Variants in PCSK2 observed in about 807,000 individuals in gnomAD.
PCSK2 encodes the protein proprotein convertase subtilisin/kexin type 2.
Under a neutral mutation model 69.7 loss-of-function variants are expected in PCSK2, and 14 were observed. The ratio of observed to expected loss-of-function variants is 0.20; its 90% confidence interval spans 0.13 to 0.31. The LOEUF (loss-of-function observed/expected upper bound fraction) is 0.31, where lower values mean the gene tolerates loss of function less well. PCSK2 is among the 10% of genes least tolerant of loss of function. The pLI is 1.00. For missense variants in PCSK2, 544 were observed against 842.5 expected, an observed-to-expected ratio of 0.65 and a Z score of 4.39; for synonymous variants, 307 against 320.7, an observed-to-expected ratio of 0.96 and a Z score of 0.46.
chr20:17,230,926 C>T (rs1465913758), intron 1 of PCSK2, among the ~76,000 whole-genome samples: 1 of 152,156 alleles, frequency 6.6e-6, no homozygotes, highest in Non-Finnish European at 1.5e-5. Flanking sequence ...GCCCAAAGAC[C>T]TATGTCTATC....
chr20:17,317,368 T>C (rs992680178), intron 2 of PCSK2, among the ~76,000 whole-genome samples: 1 of 152,250 alleles, frequency 6.6e-6, no homozygotes, highest in Non-Finnish European at 1.5e-5. Flanking sequence ...TAGTCCTATA[T>C]TCATTTGAAT....
intron 1 of PCSK2, among the ~76,000 whole-genome samples, chr20:17,229,020 C>T (rs1986044686): frequency 6.6e-6 from 1 of 152,132 alleles, no homozygotes; most frequent in Admixed American, 6.5e-5. Context: ...GCCGACCTTC[C>T]TTCTTCACTC....
At chr20:17,252,406 T>C (rs763429616) in intron 1 of PCSK2, among the ~76,000 whole-genome samples, 34 of 152,248 alleles carry the variant, frequency 2.2e-4, no homozygotes, top group Non-Finnish European at 4.3e-4. Flanking sequence ...CATAGCAGCT[T>C]GTGAATAACT....
At chr20:17,254,438 C>T (rs781024691) in intron 1 of PCSK2, among the ~76,000 whole-genome samples, 1 of 152,180 alleles carries the variant, frequency 6.6e-6, no homozygotes, top group Non-Finnish European at 1.5e-5. Flanking sequence ...AAGCACAAAA[C>T]TGTGCTTGAA....
chr20:17,471,198 C>T (rs933544842), intron 11 of PCSK2, among the ~76,000 whole-genome samples: 1 of 152,150 alleles, frequency 6.6e-6, no homozygotes, highest in Non-Finnish European at 1.5e-5. Context: ...TCTGAATATG[C>T]TTAGCATTCC....
intron 2 of PCSK2, among the ~76,000 whole-genome samples, chr20:17,327,303 C>G (rs911172255): frequency 1.3e-5 from 2 of 152,196 alleles, no homozygotes; most frequent in African/African-American, 4.8e-5. Context: ...GTGTCAATCA[C>G]ATTCCTCCCA....
At chr20:17,279,684 G>A (rs968382220) in intron 2 of PCSK2, among the ~76,000 whole-genome samples, 1 of 151,916 alleles carries the variant, frequency 6.6e-6, no homozygotes, top group Non-Finnish European at 1.5e-5. Flanking sequence ...CTACTCCAGA[G>A]GCTGAGGCAG....
intron 5 of PCSK2, among the ~76,000 whole-genome samples, chr20:17,391,908 G>GGAAGGAAGGAAGGAAGGAAGGAAA (rs1568630665): frequency 2.1e-4 from 21 of 98,234 alleles, no homozygotes; most frequent in African/African-American, 9.0e-4. Flanking sequence ...AAGAGAGAGA[G>GGAAGGAAGGAAGGAAGGAAGGAAA]GAAGGAAGGA....
intron 5 of PCSK2, among the ~76,000 whole-genome samples, chr20:17,394,560 T>C (rs937237966): frequency 9.2e-5 from 14 of 152,122 alleles, no homozygotes; most frequent in Non-Finnish European, 2.1e-4. Flanking sequence ...GGATGAGCTC[T>C]CTTCCTGGTT....
At chr20:17,288,921 A>G (rs1988606181) in intron 2 of PCSK2, among the ~76,000 whole-genome samples, 1 of 152,228 alleles carries the variant, frequency 6.6e-6, no homozygotes, top group Non-Finnish European at 1.5e-5. Flanking sequence ...AGCAATTTCA[A>G]AAGACTGCGT....
At chr20:17,352,796 T>C (rs745718566) in intron 2 of PCSK2, among the ~76,000 whole-genome samples, 3 of 152,146 alleles carry the variant, frequency 2.0e-5, no homozygotes, top group Non-Finnish European at 2.9e-5. Context: ...TTGGTAAAGA[T>C]TTCATGATGA....
intron 10 of PCSK2, chr20:17,464,956 C>T (rs2033074600): frequency 2.0e-5 from 6 of 297,694 alleles, no homozygotes; most frequent in Non-Finnish European, 3.9e-5. Flanking sequence ...TACAGCCAAA[C>T]AGTTTTCCAG....
At chr20:17,233,592 C>A (rs1568563760) in intron 1 of PCSK2, among the ~76,000 whole-genome samples, 1 of 152,114 alleles carries the variant, frequency 6.6e-6, no homozygotes, top group Non-Finnish European at 1.5e-5. Context: ...ATCTGACTGG[C>A]TAGTTGCTCT....
rs2030331557 is a variant in PCSK2, at chr20:17,359,894, CCTTT to C, written c.397-629_397-626del. On this transcript the variant is annotated intron_variant, in intron 3 of 11. Coordinates refer to ENST00000262545, the MANE Select transcript of PCSK2 (RefSeq NM_002594.5). ...TTACTGTGGAATTGCTCTTTGTTTTCCTTTCTTTCTTTTCTGAAATATTTTTGGG... is the reference window on the plus strand; with the variant it reads ...TTACTGTGGAATTGCTCTTTGTTTTCCTTTCTTTTCTGAAATATTTTTGGG... 2.0e-5 allele frequency among the ~76,000 whole-genome samples: 3 copies of C among 152,236 alleles called. No homozygotes were observed. In the South Asian group the frequency reaches 6.2e-4, roughly 32 times the overall value.
intron 2 of PCSK2, among the ~76,000 whole-genome samples, chr20:17,352,809 A>G (rs1023755798): frequency 5.9e-5 from 9 of 152,170 alleles, no homozygotes; most frequent in African/African-American, 2.2e-4. Flanking sequence ...CATGATGAAG[A>G]CTCCAAAAGC....
chr20:17,471,806 CAG>C (rs1255819945), intron 11 of PCSK2, among the ~76,000 whole-genome samples: 1 of 152,216 alleles, frequency 6.6e-6, no homozygotes, highest in African/African-American at 2.4e-5. Flanking sequence ...TGCCGCTTGA[CAG>C]AGGAGGCCCT....
chr20:17,329,907 T>C (rs1473972897), intron 2 of PCSK2, among the ~76,000 whole-genome samples: 1 of 152,194 alleles, frequency 6.6e-6, no homozygotes, highest in Non-Finnish European at 1.5e-5. Flanking sequence ...TTATTATCAT[T>C]AGTTTGGTAT....
At chr20:17,373,952 G>T (rs1385839340) in intron 5 of PCSK2, among the ~76,000 whole-genome samples, 5 of 152,214 alleles carry the variant, frequency 3.3e-5, no homozygotes, top group African/African-American at 1.2e-4. Flanking sequence ...GAGGGATCCA[G>T]TCCCACTGGT....
chr20:17,277,155 A>G (rs573423448), intron 2 of PCSK2, among the ~76,000 whole-genome samples: 2 of 152,322 alleles, frequency 1.3e-5, no homozygotes, highest in East Asian at 3.9e-4. Context: ...AAGGTAATTT[A>G]TAGATTCAAT....
Sources: gnomAD v4.1 joint callset for allele counts (sites outside exome capture counted in the v4.1 genomes callset) on GRCh38, gnomAD v4.1.1 for gene constraint, MANE v1.5 for transcripts, NCBI Gene and HGNC (gene_info 2026-07-23, HGNC 2026-07-21) for gene names.